HOOK3: variants seen among roughly 807,000 people sequenced by gnomAD.
HOOK3 encodes protein Hook homolog 3.
A neutral mutation model predicts 116.3 loss-of-function variants in HOOK3; 24 were observed. That is an observed-to-expected ratio of 0.21 (90% CI 0.15 to 0.29). The LOEUF (loss-of-function observed/expected upper bound fraction) is 0.29. Ranked by LOEUF, HOOK3 falls within the 10% of genes least tolerant of loss-of-function variation. HOOK3 has a pLI of 1.00. For missense variants in HOOK3, 632 were observed against 830.2 expected (o/e 0.76, Z 2.93); for synonymous variants, 275 against 283.0 (o/e 0.97, Z 0.28).
In HOOK3 at chr8:42,930,133, A is replaced by G. The variant is rs758130988; in HGVS notation, c.228A>G (p.Leu76=). 31 of 1,553,334 alleles carry G rather than the reference A, an allele frequency of 2.0e-5. No homozygotes were observed. The highest frequency in any genetic ancestry group is 2.4e-5 in the Non-Finnish European group (28 of 1,148,876). Residue 76 remains leucine (L), a synonymous_variant, in exon 4 of 22, where the codon TTA becomes TTG. Transcript: ENST00000307602. ...GDNWRLKISN[L]KKILKGILDY... The stretch of plus-strand genomic sequence containing the variant: ...CTCTCTTTAAACAGATAAGCAATTT[A>G]AAGAAAATTTTAAAAGGAATCTTGG...
intron 21 of HOOK3, among the ~76,000 whole-genome samples, chr8:43,014,291 A>AG (rs1050637576): frequency 6.6e-6 from 1 of 151,294 alleles, no homozygotes; most frequent in Non-Finnish European, 1.5e-5. Context: ...CTCAGAAAAA[A>AG]AAAAAAAAAA....
In HOOK3 at chr8:42,906,236, A is replaced by C; in HGVS notation, c.121A>C (p.Met41Leu). Reference protein sequence around the residue: ...TVEDLTNGVVMAQVLQKIDPA... With the variant: ...TVEDLTNGVVLAQVLQKIDPA... ...GGAAGATTTAACGAATGGGGTTGTG[A>C]TGGCCCAGGTTCTTCAAAAGATGTA... The change falls in exon 2 of 22, where the codon ATG (methionine) becomes CTG (leucine). Residue 41 changes from methionine (M) to leucine (L), a missense_variant. Transcript: ENST00000307602. 7.0e-7 allele frequency: 1 copy of C among 1,433,556 alleles called. No individual in the cohort carries two copies. The highest frequency in any genetic ancestry group is 9.4e-7 in the Non-Finnish European group (1 of 1,067,390). The allele number at this position is 1,433,556 out of a possible 1,614,324, so 88.8% of individuals were successfully genotyped here.
In HOOK3 at chr8:43,030,037, A is replaced by T. The variant is rs1010600298; in HGVS notation, c.*11539A>T. 1 of 212,924 alleles carries T rather than the reference A, an allele frequency of 4.7e-6. No individual in the cohort carries two copies. The highest frequency in any genetic ancestry group is 2.3e-5 in the African/African-American group (1 of 44,172). The allele number at this position is 212,924 out of a possible 1,614,324, so 13.2% of individuals were successfully genotyped here. ...TTCTTTGTCATTATAATCCAAAAAC[A>T]ATGTCCACATCAGACTTGGAACTTC... On this transcript the variant is annotated 3_prime_UTR_variant, in exon 22 of 22. Coordinates refer to ENST00000307602, the MANE Select transcript of HOOK3 (RefSeq NM_032410.4).
At chr8:42,906,449 G>A (rs1314293653) in intron 2 of HOOK3, among the ~76,000 whole-genome samples, 191 bp downstream of exon 2, 1 of 152,162 alleles carries the variant, frequency 6.6e-6, no homozygotes, top group East Asian at 1.9e-4. Flanking sequence ...GGCTGTGATT[G>A]TGTTAGTACT....
chr8:42,990,241 C>T (rs1809132172), intron 15 of HOOK3, among the ~76,000 whole-genome samples: 1 of 150,652 alleles, frequency 6.6e-6, no homozygotes. Flanking sequence ...AGGGATCCTC[C>T]CACCTCAGCT....
chr8:42,981,375 T>C (rs1586620284), intron 13 of HOOK3, among the ~76,000 whole-genome samples: 1 of 152,266 alleles, frequency 6.6e-6, no homozygotes, highest in Admixed American at 6.5e-5. Flanking sequence ...TCTTATAAAT[T>C]ACTGAGTTTC....
At chr8:42,983,834 G>A (rs1188297088) in intron 14 of HOOK3, among the ~76,000 whole-genome samples, 5 of 152,084 alleles carry the variant, frequency 3.3e-5, no homozygotes, top group African/African-American at 9.7e-5. Context: ...AATAAGTGGG[G>A]GAGACACCAA....
intron 5 of HOOK3, 25 bp downstream of exon 5, chr8:42,943,470 G>A: frequency 1.4e-6 from 2 of 1,391,032 alleles, no homozygotes; most frequent in East Asian, 2.6e-5. Context: ...GTTAGTGTTT[G>A]CATTTAAAAT....
chr8:42,982,344 G>T (rs1467578636), intron 13 of HOOK3, among the ~76,000 whole-genome samples: 2 of 151,762 alleles, frequency 1.3e-5, no homozygotes, highest in Non-Finnish European at 2.9e-5. Context: ...TAGGGAATTG[G>T]TTACAGAGTT....
At chr8:42,919,468 C>G (rs558456611) in intron 2 of HOOK3, among the ~76,000 whole-genome samples, 2 of 147,640 alleles carry the variant, frequency 1.4e-5, no homozygotes, top group Non-Finnish European at 3.0e-5. Context: ...ACTGGGCGGC[C>G]GGGCAGAGGG....
intron 8 of HOOK3, 137 bp from the exon 9 acceptor site, chr8:42,964,174 T>A: frequency 1.2e-6 from 1 of 801,680 alleles, no homozygotes; most frequent in South Asian, 1.8e-5. Context: ...GCCACTGCAC[T>A]CCAGCCTGGG....
chr8:42,909,954 G>A (rs942248791), intron 2 of HOOK3, among the ~76,000 whole-genome samples: 1 of 152,186 alleles, frequency 6.6e-6, no homozygotes, highest in Non-Finnish European at 1.5e-5. Context: ...GAATGGAGGA[G>A]ATGATAGTCA....
chr8:42,897,042 C>G lies in HOOK3; in HGVS notation c.-90C>G, dbSNP rs1806994585. The G allele has an allele frequency of 1.9e-6, 2 of 1,026,558 alleles. No homozygotes were observed. Among genetic ancestry groups the G allele is most frequent in the African/African-American group, 3.4e-5 (2 of 59,680 alleles). 63.6% of individuals were successfully genotyped at this position (1,026,558 alleles called of 1,614,324 possible). ...TCCGAGGAGCAGGCGGGCCTGAGGC[C>G]GAGTCAGCTGCGCGGGCCCCCGGAT... On this transcript the variant is annotated 5_prime_UTR_variant, in exon 1 of 22. Transcript: ENST00000307602.
intron 1 of HOOK3, among the ~76,000 whole-genome samples, chr8:42,900,346 A>G (rs1807160726): frequency 6.6e-6 from 1 of 152,240 alleles, no homozygotes; most frequent in East Asian, 1.9e-4. Context: ...CGATGAAAAG[A>G]TAGCACTTTT....
chr8:42,964,287 T>C (rs768444893), intron 8 of HOOK3, 24 bp from the exon 9 acceptor site: 31 of 1,612,040 alleles, frequency 1.9e-5, no homozygotes, highest in Non-Finnish European at 2.3e-5. Flanking sequence ...AAGAAATAAC[T>C]GCCGTCGTCC....
At chr8:42,942,307 A>G (rs1183950428) in intron 4 of HOOK3, among the ~76,000 whole-genome samples, 14 of 152,192 alleles carry the variant, frequency 9.2e-5, no homozygotes, top group Non-Finnish European at 2.1e-4. Context: ...CAAAACCCCT[A>G]TTACTTTTTC....
intron 5 of HOOK3, among the ~76,000 whole-genome samples, chr8:42,948,612 T>G (rs550245222): frequency 1.3e-5 from 2 of 152,282 alleles, no homozygotes; most frequent in African/African-American, 4.8e-5. Context: ...TGCCACTGCT[T>G]CTTCTCTTCC....
intron 13 of HOOK3, among the ~76,000 whole-genome samples, chr8:42,975,896 A>G (rs898769176): frequency 2.6e-5 from 4 of 152,012 alleles, no homozygotes; most frequent in African/African-American, 9.7e-5. Context: ...TAGTAGAGAC[A>G]GGGTTTCACC....
intron 2 of HOOK3, among the ~76,000 whole-genome samples, chr8:42,911,565 ATGAAT>A (rs1309535119): frequency 6.6e-6 from 1 of 152,244 alleles, no homozygotes; most frequent in African/African-American, 2.4e-5. Context: ...CAGGTATAAA[ATGAAT>A]TGGAAGAGGC....
Sources: gnomAD v4.1 joint callset for allele counts (sites outside exome capture counted in the v4.1 genomes callset) on GRCh38, gnomAD v4.1.1 for gene constraint, MANE v1.5 for transcripts, NCBI Gene and HGNC (gene_info 2026-07-23, HGNC 2026-07-21) for gene names.